Variants in CEMIP2 observed in about 807,000 individuals in gnomAD.
CEMIP2 encodes cell migration inducing hyaluronidase 2, also known as cell surface hyaluronidase CEMIP2.
CEMIP2 carries 79 observed loss-of-function variants against 146.9 expected under a neutral mutation model. That is an observed-to-expected ratio of 0.54 (90% CI 0.45 to 0.65). The LOEUF (loss-of-function observed/expected upper bound fraction) is 0.65. Ranked by LOEUF, CEMIP2 falls within the 30% of genes least tolerant of loss-of-function variation. The pLI is 0.00. For synonymous variants in CEMIP2, 601 were observed against 606.3 expected, an observed-to-expected ratio of 0.99 and a Z score of 0.13; for missense variants, 1,596 against 1,696.2, an observed-to-expected ratio of 0.94 and a Z score of 1.04.
chr9:71,754,367 C>T (rs569823519), intron 1 of CEMIP2, among the ~76,000 whole-genome samples: 1 of 152,238 alleles, frequency 6.6e-6, no homozygotes, highest in East Asian at 1.9e-4. Flanking sequence ...AAAGAGGAGT[C>T]TACTAGGGAA....
chr9:71,705,807 ATG>A lies in CEMIP2; in HGVS notation c.2986-1006_2986-1005del, dbSNP rs536554514. Among the ~76,000 whole-genome samples the A allele has an allele frequency of 2.0e-3, 301 of 150,650 alleles. 4 individuals carry two copies. Among genetic ancestry groups the A allele is most frequent in the Non-Finnish European group, 5.0e-4 (34 of 67,848 alleles). On this transcript the variant is annotated intron_variant, in intron 17 of 23. Coordinates refer to ENST00000377044, the MANE Select transcript of CEMIP2 (RefSeq NM_013390.3). Reference sequence around the variant, plus strand: ...TTTACATGTACATTTATATATGTGTATGTGTGTGTGTATATATATATAGGAGG... The same window carrying A: ...TTTACATGTACATTTATATATGTGTATGTGTGTGTATATATATATAGGAGG...
chr9:71,762,787 G>T (rs1824675362), intron 1 of CEMIP2, among the ~76,000 whole-genome samples: 1 of 152,144 alleles, frequency 6.6e-6, no homozygotes, highest in Non-Finnish European at 1.5e-5. Flanking sequence ...GAGGTGGGAG[G>T]ATCACTTGAG....
intron 1 of CEMIP2, among the ~76,000 whole-genome samples, chr9:71,756,255 T>C (rs28406587): frequency 7.2e-6 from 1 of 138,050 alleles, no homozygotes; most frequent in Admixed American, 7.2e-5. Context: ...TATATATATA[T>C]ATGTATATAT....
At chr9:71,695,562 T>C (rs1261558462) in intron 20 of CEMIP2, among the ~76,000 whole-genome samples, 2 of 152,006 alleles carry the variant, frequency 1.3e-5, no homozygotes, top group Non-Finnish European at 2.9e-5. Context: ...TAGTTCCAGC[T>C]ACTTGGGAGG....
chr9:71,765,569 G>A (rs1411634472), intron 1 of CEMIP2, among the ~76,000 whole-genome samples: 1 of 152,132 alleles, frequency 6.6e-6, no homozygotes, highest in African/African-American at 2.4e-5. Context: ...TCTGACACTA[G>A]TTTTCAGTCC....
At chr9:71,755,033 G>GA (rs963340743) in intron 1 of CEMIP2, among the ~76,000 whole-genome samples, 10 of 151,566 alleles carry the variant, frequency 6.6e-5, no homozygotes, top group African/African-American at 1.5e-4. Flanking sequence ...CTTCTCTTGG[G>GA]AAAAAAAACT....
chr9:71,750,143 C>G lies in CEMIP2; in HGVS notation c.231G>C (p.Lys77Asn), dbSNP rs1372575874. ...AACAAATGAAAGTATTTTTGTGTCT[C>G]TTTTGCTTTTGACTTTCTCTCTGGG... ...QQAQRESQKQKRHKNTFICFA... is the reference protein window; with the variant it reads ...QQAQRESQKQNRHKNTFICFA... Residue 77 changes from lysine (K) to asparagine (N), a missense_variant, in exon 2 of 24, where the codon AAG (lysine) becomes AAC (asparagine). By Grantham distance (94) the Lys-to-Asn change is moderately conservative (BLOSUM62 0). Transcript: ENST00000377044. 5 of 1,613,770 alleles carry G rather than the reference C, an allele frequency of 3.1e-6. No individual in the cohort carries two copies. The highest frequency in any genetic ancestry group is 1.1e-5 in the South Asian group (1 of 91,054).
intron 16 of CEMIP2, among the ~76,000 whole-genome samples, chr9:71,709,765 G>A (rs930066688): frequency 6.6e-6 from 1 of 152,170 alleles, no homozygotes; most frequent in Admixed American, 6.5e-5. Flanking sequence ...ACTATTACCT[G>A]TTCTCCAGAC....
chr9:71,745,071 G>A lies in CEMIP2; in HGVS notation c.981C>T (p.Ile327=), dbSNP rs1824037449. The part of the protein sequence containing the change: ...SAAKSLLQGT[I]QMIQERLGSE... ...TTCCCAACCGTTCCTGGATCATCTG[G>A]ATGGTTCCTTGTAAGAGACTTTTAG... Residue 327 remains isoleucine, a synonymous_variant, in exon 4 of 24, where the codon ATC becomes ATT. Transcript: ENST00000377044. The A allele has an allele frequency of 1.9e-6, 3 of 1,614,020 alleles. No individual in the cohort carries two copies. Among genetic ancestry groups the A allele is most frequent in the African/African-American group, 2.7e-5 (2 of 74,906 alleles).
At chr9:71,725,807 T>A in intron 10 of CEMIP2, 98 bp from the exon 11 acceptor site, 1 of 1,370,280 alleles carries the variant, frequency 7.3e-7, no homozygotes, top group Non-Finnish European at 9.7e-7. Flanking sequence ...GTTTAATCTT[T>A]TTCACCCAAA....
At chr9:71,718,219 T>C (rs1185262857) in intron 12 of CEMIP2, 140 bp from the exon 13 acceptor site, 1 of 770,232 alleles carries the variant, frequency 1.3e-6, no homozygotes. Flanking sequence ...CTTACTTACA[T>C]TTTAAACATT....
chr9:71,695,438 G>T (rs1157082657), intron 20 of CEMIP2, among the ~76,000 whole-genome samples: 1 of 152,152 alleles, frequency 6.6e-6, no homozygotes, highest in Non-Finnish European at 1.5e-5. Flanking sequence ...GCTTTGGGGG[G>T]CTGAGATGGG....
chr9:71,702,323 A>G (rs1039637203), intron 18 of CEMIP2, among the ~76,000 whole-genome samples: 11 of 151,876 alleles, frequency 7.2e-5, no homozygotes, highest in African/African-American at 2.4e-4. Context: ...TAACCCCACT[A>G]AAGAATAACT....
At chr9:71,704,003 C>T (rs1042499493) in intron 18 of CEMIP2, among the ~76,000 whole-genome samples, 1 of 152,190 alleles carries the variant, frequency 6.6e-6, no homozygotes, top group Non-Finnish European at 1.5e-5. Context: ...TTCTCTCATT[C>T]ACCTTTATGT....
At chr9:71,756,562 G>C (rs1393317988) in intron 1 of CEMIP2, among the ~76,000 whole-genome samples, 1 of 151,606 alleles carries the variant, frequency 6.6e-6, no homozygotes, top group Non-Finnish European at 1.5e-5. Context: ...AAGAGAGACA[G>C]AGAGAGAGAA....
Position 71,750,251 on chromosome 9 carries a change from T to C in CEMIP2, c.123A>G (p.Pro41=), listed in dbSNP as rs1485211714. ...TAAATTTGGCTGAAGCTTGACTCTT[T>C]GGAGGAGGAGGGGGACGCAATGGGA... is the stretch of plus-strand genomic sequence containing the variant. The part of the protein sequence containing the change: ...KVVPLRPPPP[P]KSQASAKFTS... The change falls in exon 2 of 24, where the codon CCA becomes CCG. Residue 41 remains proline (P), a synonymous_variant. Transcript: ENST00000377044. The C allele has an allele frequency of 6.2e-7, 1 of 1,614,102 alleles. No individual in the cohort carries two copies. Among genetic ancestry groups the C allele is most frequent in the Non-Finnish European group, 8.5e-7 (1 of 1,180,000 alleles).
In CEMIP2 at chr9:71,745,166, G is replaced by A. The variant is rs199769864; in HGVS notation, c.886C>T (p.Arg296Trp). The A allele has an allele frequency of 3.3e-5, 53 of 1,614,060 alleles. No individual in the cohort carries two copies. Among genetic ancestry groups the A allele is most frequent in the Non-Finnish European group, 4.2e-5 (49 of 1,179,980 alleles). The change falls in exon 4 of 24, where the codon CGG becomes TGG. Residue 296 changes from arginine (R) to tryptophan (W), a missense_variant. Arg to Trp is a moderately radical substitution (Grantham distance 101). Transcript: ENST00000377044. The stretch of plus-strand genomic sequence containing the variant: ...TGGAATCTCAGAAACTCCTGAAGCC[G>A]CCTGCTCTCATTGCGGTATTCATGG... Reference protein sequence around the residue: ...DTHEYRNESRRLQEFLRFQDP... With the variant: ...DTHEYRNESRWLQEFLRFQDP...
At chr9:71,689,365 G>T (rs900401674) in intron 22 of CEMIP2, among the ~76,000 whole-genome samples, 4 of 152,148 alleles carry the variant, frequency 2.6e-5, no homozygotes, top group Non-Finnish European at 1.5e-5. Context: ...AATGAAAGCG[G>T]GTGTATAAAT....
In CEMIP2 at chr9:71,729,922, G is replaced by A. The variant is rs1325450507; in HGVS notation, c.1980-8C>T. On this transcript the variant is annotated splice_region_variant and splice_polypyrimidine_tract_variant and intron_variant, in intron 9 of 23. Transcript: ENST00000377044. The stretch of plus-strand genomic sequence containing the variant: ...CAGAAAGTTGAAACAGCCCTGCAAG[G>A]CATTTTTCAAGGTGATTTAAACATT... 2 of 1,614,052 alleles carry A rather than the reference G, an allele frequency of 1.2e-6. No homozygotes were observed. Among genetic ancestry groups the A allele is most frequent in the South Asian group, 1.1e-5 (1 of 91,072 alleles).
Sources: allele counts gnomAD v4.1 joint callset (sites outside exome capture counted in the v4.1 genomes callset), GRCh38; gene constraint gnomAD v4.1.1; transcripts MANE v1.5; gene names NCBI Gene and HGNC (gene_info 2026-07-23, HGNC 2026-07-21).